KCNH7: variants seen among roughly 807,000 people sequenced by gnomAD.
KCNH7 encodes the protein potassium voltage-gated channel subfamily H member 7.
In KCNH7, 49 loss-of-function variants were observed where a neutral mutation model predicts 120.8. That is an observed-to-expected ratio of 0.41 (90% CI 0.32 to 0.51). The LOEUF is 0.51. KCNH7 is among the 20% of genes least tolerant of loss of function. KCNH7 has a pLI of 0.38. For missense variants in KCNH7, 1,097 were observed against 1,446.6 expected (o/e 0.76, Z 3.92); for synonymous variants, 547 against 516.1 (o/e 1.06, Z -0.81).
intron 2 of KCNH7, among the ~76,000 whole-genome samples, chr2:162,660,691 A>C (rs532572102): frequency 2.6e-4 from 40 of 152,120 alleles, no homozygotes; most frequent in African/African-American, 9.4e-4. Context: ...TTGTTCAAAA[A>C]CTCCTAATTT....
At chr2:162,787,272 C>A (rs1419868582) in intron 2 of KCNH7, among the ~76,000 whole-genome samples, 2 of 152,122 alleles carry the variant, frequency 1.3e-5, no homozygotes, top group Non-Finnish European at 2.9e-5. Context: ...AAGCTCACTC[C>A]CCAGACTCAG....
chr2:162,582,238 G>A (rs930963349), intron 2 of KCNH7, among the ~76,000 whole-genome samples: 2 of 152,028 alleles, frequency 1.3e-5, no homozygotes, highest in Non-Finnish European at 2.9e-5. Context: ...GAGATTTGCT[G>A]CCCAAAAACA....
rs577818179 is a variant in KCNH7 at position 162,526,573 on chromosome 2, T to C, written c.464-8415A>G. On this transcript the variant is annotated intron_variant, in intron 3 of 15. Coordinates refer to ENST00000332142, the MANE Select transcript of KCNH7 (RefSeq NM_033272.4). ...TTCCTTGCTGAGAAAAAGAATTCAG[T>C]GATATTTCTCCCATTTGCTTTTGAA... Among the ~76,000 whole-genome samples, 47 of 152,086 alleles carry C rather than the reference T, an allele frequency of 3.1e-4. 1 individual carries two copies. Among genetic ancestry groups the C allele is most frequent in the African/African-American group, 1.1e-3 (45 of 41,548 alleles).
intron 2 of KCNH7, among the ~76,000 whole-genome samples, chr2:162,819,642 T>A (rs755250719): frequency 1.3e-5 from 2 of 152,190 alleles, no homozygotes; most frequent in Non-Finnish European, 2.9e-5. Flanking sequence ...AAAGACAGAT[T>A]TTCTTTTGAG....
intron 2 of KCNH7, among the ~76,000 whole-genome samples, chr2:162,675,218 A>T (rs1352820107): frequency 6.6e-6 from 1 of 151,492 alleles, no homozygotes; most frequent in Admixed American, 6.6e-5. Flanking sequence ...ATACTAAGAG[A>T]TGATCAGCAC....
intron 2 of KCNH7, among the ~76,000 whole-genome samples, chr2:162,655,311 CT>C (rs1350668403): frequency 6.6e-6 from 1 of 152,044 alleles, no homozygotes; most frequent in East Asian, 1.9e-4. Context: ...TATTATTCCT[CT>C]TTTCAATGTA....
intron 2 of KCNH7, among the ~76,000 whole-genome samples, chr2:162,777,217 AT>A (rs1159313138): frequency 6.6e-6 from 1 of 152,150 alleles, no homozygotes; most frequent in Non-Finnish European, 1.5e-5. Context: ...GATAACCAAA[AT>A]CCAAGCATAC....
intron 2 of KCNH7, among the ~76,000 whole-genome samples, chr2:162,792,239 A>G (rs1208513584): frequency 6.6e-6 from 1 of 152,042 alleles, no homozygotes; most frequent in Non-Finnish European, 1.5e-5. Context: ...ATTGGCCTGA[A>G]GTTTTCTTTT....
intron 10 of KCNH7, among the ~76,000 whole-genome samples, chr2:162,397,188 A>G (rs1234082258): frequency 6.6e-6 from 1 of 151,782 alleles, no homozygotes; most frequent in Non-Finnish European, 1.5e-5. Context: ...AATGTAGCGA[A>G]CATTATCTTC....
chr2:162,688,824 G>T (rs887579585), intron 2 of KCNH7, among the ~76,000 whole-genome samples: 1 of 150,622 alleles, frequency 6.6e-6, no homozygotes, highest in Admixed American at 6.6e-5. Context: ...GTGGGTGTAT[G>T]GTCTTGTCTC....
intron 2 of KCNH7, among the ~76,000 whole-genome samples, chr2:162,652,628 C>A (rs1485763991): frequency 6.6e-6 from 1 of 152,142 alleles, no homozygotes; most frequent in Non-Finnish European, 1.5e-5. Context: ...AGAGCTCAGG[C>A]AGTAATGGTC....
intron 6 of KCNH7, among the ~76,000 whole-genome samples, chr2:162,459,584 C>T (rs1361993839): frequency 2.0e-5 from 3 of 152,168 alleles, no homozygotes; most frequent in Non-Finnish European, 4.4e-5. Flanking sequence ...AAGTCAGAAG[C>T]TTCCAAGGCC....
At chr2:162,551,336 G>T (rs1167555925) in intron 2 of KCNH7, among the ~76,000 whole-genome samples, 1 of 152,206 alleles carries the variant, frequency 6.6e-6, no homozygotes, top group Non-Finnish European at 1.5e-5. Context: ...GCACAATTAA[G>T]TGACAAAACT....
chr2:162,377,536 A>G (rs2105397176), intron 14 of KCNH7, among the ~76,000 whole-genome samples: 1 of 152,306 alleles, frequency 6.6e-6, no homozygotes, highest in East Asian at 1.9e-4. Context: ...AAGATCAATA[A>G]CAAGGGTGAC....
chr2:162,388,532 CA>C (rs551240800), intron 12 of KCNH7, among the ~76,000 whole-genome samples: 41 of 151,766 alleles, frequency 2.7e-4, no homozygotes, highest in Admixed American at 5.9e-4. Flanking sequence ...TTGAAAAGAT[CA>C]AAAGATACTT....
At chr2:162,752,902 G>GAAAAAAGAGAAGAAAAGAA (rs140501872) in intron 2 of KCNH7, among the ~76,000 whole-genome samples, 3 of 61,218 alleles carry the variant, frequency 4.9e-5, no homozygotes, top group African/African-American at 8.0e-5. Flanking sequence ...CTACATCTCA[G>GAAAAAAGAGAAGAAAAGAA]AAAAAGAAAA....
rs569325278 is a variant in KCNH7 at position 162,711,809 on chromosome 2, G to A, written c.307+124728C>T. On this transcript the variant is annotated intron_variant, in intron 2 of 15. Coordinates refer to ENST00000332142, the MANE Select transcript of KCNH7 (RefSeq NM_033272.4). ...AAGCCTCAGTTCCTACAGTGAAGCA[G>A]GTTTATAATAGCTATTACCTTCAGA... Among the ~76,000 whole-genome samples the A allele has an allele frequency of 2.7e-3, 406 of 151,944 alleles. 1 individual carries two copies. The highest frequency in any genetic ancestry group is 9.3e-3 in the African/African-American group (386 of 41,438).
At chr2:162,546,759 T>C (rs1692494457) in intron 2 of KCNH7, among the ~76,000 whole-genome samples, 1 of 152,036 alleles carries the variant, frequency 6.6e-6, no homozygotes, top group Non-Finnish European at 1.5e-5. Flanking sequence ...TTAATAAAAT[T>C]TAACAAGAAT....
chr2:162,570,881 T>C (rs1278630812), intron 2 of KCNH7, among the ~76,000 whole-genome samples: 1 of 152,228 alleles, frequency 6.6e-6, no homozygotes, highest in East Asian at 1.9e-4. Context: ...AATTAGGTAT[T>C]GATGGGCCGT....
Sources: allele counts gnomAD v4.1 joint callset (sites outside exome capture counted in the v4.1 genomes callset), GRCh38; gene constraint gnomAD v4.1.1; transcripts MANE v1.5; gene names NCBI Gene and HGNC (gene_info 2026-07-23, HGNC 2026-07-21).